Variants in PIKFYVE observed in about 807,000 individuals in gnomAD.
PIKFYVE encodes phosphoinositide kinase, FYVE-type zinc finger containing.
A neutral mutation model predicts 257.9 loss-of-function variants in PIKFYVE; 122 were observed. The observed-to-expected ratio is 0.47, with a 90% confidence interval of 0.41 to 0.55. PIKFYVE has a LOEUF of 0.55. PIKFYVE is among the 20% of genes least tolerant of loss of function. The pLI is 0.00. For synonymous variants in PIKFYVE, 892 were observed against 868.9 expected (o/e 1.03, Z -0.47); for missense variants, 2,160 against 2,536.6 (o/e 0.85, Z 3.19).
rs963144657 is a variant in PIKFYVE, at chr2:208,358,296, A to G, written c.*2991A>G. 6.6e-6 allele frequency: 1 copy of G among 152,648 alleles called. No individual in the cohort carries two copies. The highest frequency in any genetic ancestry group is 2.4e-5 in the African/African-American group (1 of 41,454). The allele number at this position is 152,648 out of a possible 1,614,324, so 9.5% of individuals were successfully genotyped here. On this transcript the variant is annotated 3_prime_UTR_variant, in exon 42 of 42. Transcript: ENST00000264380. The stretch of plus-strand genomic sequence containing the variant: ...GCTTGAAGAGTGAAAACTGTTGTGA[A>G]TGAGCCTGATCATAAAACGGACCAG...
intron 3 of PIKFYVE, among the ~76,000 whole-genome samples, chr2:208,274,455 C>T (rs1260357982): frequency 1.3e-5 from 2 of 152,188 alleles, no homozygotes; most frequent in Admixed American, 1.3e-4. Context: ...AGGGATGCAG[C>T]ATTGGGAATT....
chr2:208,309,281 A>G (rs71418675), intron 12 of PIKFYVE, among the ~76,000 whole-genome samples: 2 of 152,064 alleles, frequency 1.3e-5, no homozygotes, highest in South Asian at 2.1e-4. Context: ...ATTGAGACTA[A>G]CAAGATGAAA....
At chr2:208,301,203 G>T in intron 9 of PIKFYVE, 109 bp downstream of exon 9, 1 of 1,368,348 alleles carries the variant, frequency 7.3e-7, no homozygotes. Context: ...GGTGCTCTTT[G>T]TTTTATGTAA....
chr2:208,312,962 T>C (rs959402327), intron 13 of PIKFYVE, among the ~76,000 whole-genome samples: 9 of 152,230 alleles, frequency 5.9e-5, no homozygotes, highest in African/African-American at 1.9e-4. Context: ...GCAGCTTATC[T>C]GATAGCTTGG....
At chr2:208,308,951 G>A (rs1004379481) in intron 12 of PIKFYVE, among the ~76,000 whole-genome samples, 3 of 152,018 alleles carry the variant, frequency 2.0e-5, no homozygotes, top group Admixed American at 2.0e-4. Flanking sequence ...CAGGCAGTCC[G>A]CCAACCTAGG....
rs1574662002 is a variant in PIKFYVE at position 208,330,394 on chromosome 2, T to C, written c.3792-129T>C. The C allele has an allele frequency of 3.2e-5, 33 of 1,046,820 alleles. No homozygotes were observed. The East Asian group carries it at 7.4e-4, about 24-fold the overall frequency. 64.8% of individuals were successfully genotyped at this position (1,046,820 alleles called of 1,614,324 possible). On this transcript the variant is annotated intron_variant, in intron 22 of 41. Transcript: ENST00000264380. ...ATCACCGTGCTGTAGCTGAAGACGA[T>C]GTTCAGCTGCAGGCTCAGAGCAGCA...
chr2:208,350,933 TC>T lies in PIKFYVE; in HGVS notation c.5598del (p.Tyr1867MetfsTer10), dbSNP rs868329851. 1 of 1,614,038 alleles carries T rather than the reference TC, an allele frequency of 6.2e-7. No individual in the cohort carries two copies. Among genetic ancestry groups the T allele is most frequent in the African/African-American group, 1.3e-5 (1 of 74,936 alleles). ...CGGGGAGGCAAATCAGGAGCTGCCT[TC>T]TATGCAACTGAGGGTGAGCCTTTCT... ...QARGGKSGAA[F>X]YATEDDRFIL... On this transcript the variant is annotated frameshift_variant, in exon 37 of 42. Coordinates refer to ENST00000264380, the MANE Select transcript of PIKFYVE (RefSeq NM_015040.4). LOFTEE classifies it high-confidence loss of function.
At chr2:208,272,778 T>G (rs1224591672) in intron 2 of PIKFYVE, among the ~76,000 whole-genome samples, 1 of 151,632 alleles carries the variant, frequency 6.6e-6, no homozygotes, top group East Asian at 1.9e-4. Context: ...TAGTACATTT[T>G]TAAGACAATG....
intron 10 of PIKFYVE, among the ~76,000 whole-genome samples, 184 bp from the exon 11 acceptor site, chr2:208,303,987 T>G (rs1694035955): frequency 6.6e-6 from 1 of 152,228 alleles, no homozygotes; most frequent in African/African-American, 2.4e-5. Flanking sequence ...AATCACAATT[T>G]TAAAGAGTGG....
In PIKFYVE at chr2:208,301,600, G is replaced by A. The variant is rs552667813; in HGVS notation, c.1208+506G>A. 2.0e-5 allele frequency among the ~76,000 whole-genome samples: 3 copies of A among 152,344 alleles called. No individual in the cohort carries two copies. The South Asian group carries it at 6.2e-4, about 32-fold the overall frequency. On this transcript the variant is annotated intron_variant, in intron 9 of 41. Transcript: ENST00000264380. The stretch of plus-strand genomic sequence containing the variant: ...TCCTCTCATGGGAAGAAAAAGGTAC[G>A]TAATGAAGTAAAGAGAGAAATAGCT...
intron 20 of PIKFYVE, among the ~76,000 whole-genome samples, chr2:208,326,724 A>T (rs560004116): frequency 4.7e-4 from 71 of 152,186 alleles, no homozygotes; most frequent in Non-Finnish European, 8.1e-4. Context: ...TGACAACATG[A>T]CTTGGATGTG....
chr2:208,353,898 G>GT lies in PIKFYVE; in HGVS notation c.5850dup (p.Asp1951Ter). 1 of 1,613,582 alleles carries GT rather than the reference G, an allele frequency of 6.2e-7. No homozygotes were observed. The highest frequency in any genetic ancestry group is 8.5e-7 in the Non-Finnish European group (1 of 1,179,836). The stretch of plus-strand genomic sequence containing the variant: ...TGACAAAGCATTTTCTTTTTACTAG[G>GT]TTTTTGATTTGAAGGGCTCTCTTAG... On this transcript the variant is annotated frameshift_variant and splice_region_variant, in exon 40 of 42. Transcript: ENST00000264380. LOFTEE classifies it high-confidence loss of function.
rs6725932 is a variant in PIKFYVE, at chr2:208,356,856, T to C, written c.*1551T>C. 0.93 allele frequency: 141,985 copies of C among 152,724 alleles called. 66,546 individuals carry two copies. Among genetic ancestry groups the C allele is most frequent in the Non-Finnish European group, 0.98 (66,871 of 68,044 alleles). The allele number at this position is 152,724 out of a possible 1,614,324, so 9.5% of individuals were successfully genotyped here. On this transcript the variant is annotated 3_prime_UTR_variant, in exon 42 of 42. Transcript: ENST00000264380. ...AAAGTTGTAAGGATTTCACTGTTTT[T>C]GGACTGCCTATAATAATAGCACATT...
In PIKFYVE at chr2:208,329,884, A is replaced by T. The variant is rs750439106; in HGVS notation, c.3762A>T (p.Leu1254Phe). 6.2e-7 allele frequency: 1 copy of T among 1,610,798 alleles called. No homozygotes were observed. Among genetic ancestry groups the T allele is most frequent in the East Asian group, 2.2e-5 (1 of 44,688 alleles). ...MEFYGKNDLT[L>F]GIFLERYCFR... ...TTTATGGAAAGAATGATCTTACATT[A>T]GGAATATTTTTAGAGAGATACTGTT... The change falls in exon 22 of 42, where the codon TTA becomes TTT. Residue 1254 changes from leucine to phenylalanine, a missense_variant. This residue lies in a region of PIKFYVE where 55 missense variants were observed against 103.0 expected (regional missense o/e 0.53). Coordinates refer to ENST00000264380, the MANE Select transcript of PIKFYVE (RefSeq NM_015040.4).
intron 12 of PIKFYVE, among the ~76,000 whole-genome samples, chr2:208,307,200 C>T (rs1163494376): frequency 6.6e-6 from 1 of 152,084 alleles, no homozygotes; most frequent in African/African-American, 2.4e-5. Flanking sequence ...TCCAGCTTGC[C>T]CTGAAGGTTG....
chr2:208,345,078 G>A lies in PIKFYVE; in HGVS notation c.5028-33G>A, dbSNP rs41315880. 1,034 of 1,392,402 alleles carry A rather than the reference G, an allele frequency of 7.4e-4. 1 individual carries two copies. The highest frequency in any genetic ancestry group is 9.6e-4 in the Non-Finnish European group (941 of 983,842). 86.3% of individuals were successfully genotyped at this position (1,392,402 alleles called of 1,614,324 possible). ...ATTTACTTTTAAAGAAGAAGTTAAT[G>A]TTTAACGTTTTTCAACCTATTTCTG... On this transcript the variant is annotated intron_variant, in intron 32 of 41. Coordinates refer to ENST00000264380, the MANE Select transcript of PIKFYVE (RefSeq NM_015040.4).
intron 6 of PIKFYVE, 75 bp downstream of exon 6, chr2:208,286,008 T>G: frequency 7.3e-7 from 1 of 1,373,550 alleles, no homozygotes. Context: ...GTGCTTTCAG[T>G]TAACACTTAC....
At chr2:208,303,195 C>G (rs1693918108) in intron 10 of PIKFYVE, among the ~76,000 whole-genome samples, 1 of 151,914 alleles carries the variant, frequency 6.6e-6, no homozygotes, top group Admixed American at 6.6e-5. Context: ...TATACTTTCA[C>G]TCTTGGTTTA....
intron 8 of PIKFYVE, 126 bp downstream of exon 8, chr2:208,298,905 T>G: frequency 8.2e-7 from 1 of 1,219,058 alleles, no homozygotes; most frequent in Non-Finnish European, 1.2e-6. Context: ...TGCAGTGGTG[T>G]GATCTTGGCT....
Sources: gnomAD v4.1 joint callset for allele counts (sites outside exome capture counted in the v4.1 genomes callset) on GRCh38, gnomAD v4.1.1 for gene constraint, gnomAD v4.1.1 regional missense constraint, MANE v1.5 for transcripts, NCBI Gene and HGNC (gene_info 2026-07-23, HGNC 2026-07-21) for gene names.